DNER: variants seen among roughly 807,000 people sequenced by gnomAD.
DNER encodes the protein delta and Notch-like epidermal growth factor-related receptor.
Under a neutral mutation model 78.2 loss-of-function variants are expected in DNER, and 33 were observed. That is an observed-to-expected ratio of 0.42 (90% CI 0.32 to 0.56). DNER has a LOEUF of 0.56. Among genes scored for constraint, DNER ranks in the 20% least tolerant of loss-of-function variants. The probability of loss-of-function intolerance (pLI) is 0.11; values close to 1 mark genes in which losing one functional copy is unlikely to be tolerated. For missense variants in DNER, 918 were observed against 975.3 expected (o/e 0.94, Z 0.78); for synonymous variants, 417 against 384.8 (o/e 1.08, Z -0.98).
chr2:229,524,118 T>G (rs760028281), intron 5 of DNER, among the ~76,000 whole-genome samples: 4 of 152,196 alleles, frequency 2.6e-5, no homozygotes, highest in Non-Finnish European at 5.9e-5. Flanking sequence ...GCTCGTAAAT[T>G]GAAAAGCTGA....
At chr2:229,699,657 C>T (rs1172077555) in intron 1 of DNER, among the ~76,000 whole-genome samples, 2 of 152,202 alleles carry the variant, frequency 1.3e-5, no homozygotes, top group African/African-American at 2.4e-5. Context: ...TGAGTCACCA[C>T]GTCCAGCTTT....
rs559812017 is a variant in DNER, at chr2:229,693,122, G to A, written c.276+21026C>T. ...CAGTGGGAGGTAACTGAATCATGGG[G>A]GCAGTTATCCCCATGCTGCTGTTCT... is the stretch of plus-strand genomic sequence containing the variant. On this transcript the variant is annotated intron_variant, in intron 1 of 12. Transcript: ENST00000341772. Among the ~76,000 whole-genome samples the A allele has an allele frequency of 7.9e-5, 12 of 151,906 alleles. No homozygotes were observed. In the East Asian group the frequency reaches 2.0e-3, roughly 25 times the overall value.
chr2:229,640,785 T>C (rs1559192189), intron 1 of DNER, among the ~76,000 whole-genome samples: 1 of 152,174 alleles, frequency 6.6e-6, no homozygotes, highest in Non-Finnish European at 1.5e-5. Flanking sequence ...ACCATGAATA[T>C]ACAGCAGCAT....
At chr2:229,580,663 A>T (rs111482341) in intron 4 of DNER, among the ~76,000 whole-genome samples, 77 of 152,332 alleles carry the variant, frequency 5.1e-4, no homozygotes, top group African/African-American at 1.8e-3. Flanking sequence ...AAAATTTCAG[A>T]TGGAGGTAAC....
intron 7 of DNER, among the ~76,000 whole-genome samples, chr2:229,476,534 T>A (rs1695040894): frequency 6.6e-6 from 1 of 152,156 alleles, no homozygotes; most frequent in African/African-American, 2.4e-5. Flanking sequence ...GTCATGTTAT[T>A]CTTACAAAAT....
At chr2:229,600,191 T>A (rs1697801370) in intron 1 of DNER, among the ~76,000 whole-genome samples, 1 of 151,700 alleles carries the variant, frequency 6.6e-6, no homozygotes, top group Non-Finnish European at 1.5e-5. Context: ...ACAGGCCAAA[T>A]CTGGTTTGTT....
intron 1 of DNER, among the ~76,000 whole-genome samples, chr2:229,684,386 C>A (rs1247413833): frequency 2.0e-5 from 3 of 151,786 alleles, no homozygotes; most frequent in African/African-American, 7.3e-5. Flanking sequence ...TCTTCATCGG[C>A]TCTTCCTCCT....
intron 5 of DNER, among the ~76,000 whole-genome samples, chr2:229,521,152 T>G (rs1696088554): frequency 2.6e-5 from 4 of 152,160 alleles, no homozygotes; most frequent in African/African-American, 9.7e-5. Context: ...TTTCCTAACA[T>G]CGGAAAGCTC....
chr2:229,565,464 A>C (rs2154213877), intron 4 of DNER, among the ~76,000 whole-genome samples: 1 of 152,334 alleles, frequency 6.6e-6, no homozygotes, highest in Non-Finnish European at 1.5e-5. Context: ...CATTACTTAA[A>C]GTTGTAAAAA....
intron 1 of DNER, among the ~76,000 whole-genome samples, chr2:229,616,706 T>C (rs373172247): frequency 6.6e-6 from 1 of 152,336 alleles, no homozygotes; most frequent in East Asian, 1.9e-4. Flanking sequence ...ATCTAGATCA[T>C]GTCTAGGGCC....
At chr2:229,442,265 C>T (rs1182480935) in intron 8 of DNER, among the ~76,000 whole-genome samples, 1 of 152,178 alleles carries the variant, frequency 6.6e-6, no homozygotes, top group Non-Finnish European at 1.5e-5. Context: ...CCTGTAATCC[C>T]AGCACTTTGG....
chr2:229,546,887 T>G (rs373523745), intron 5 of DNER, 60 bp downstream of exon 5: 1 of 1,604,484 alleles, frequency 6.2e-7, no homozygotes, highest in East Asian at 2.2e-5. Flanking sequence ...ACTTATGTAT[T>G]TATTCAGGTA....
chr2:229,557,923 C>CA (rs1363442656), intron 4 of DNER, among the ~76,000 whole-genome samples: 9 of 152,150 alleles, frequency 5.9e-5, no homozygotes, highest in Non-Finnish European at 1.3e-4. Context: ...AAGACACCTA[C>CA]ATGTGTACAT....
At chr2:229,370,437 G>A (rs1239495899) in intron 11 of DNER, among the ~76,000 whole-genome samples, 1 of 152,146 alleles carries the variant, frequency 6.6e-6, no homozygotes, top group Non-Finnish European at 1.5e-5. Flanking sequence ...GACCATTACT[G>A]CATTGACTGC....
At chr2:229,607,032 G>A (rs1697954183) in intron 1 of DNER, among the ~76,000 whole-genome samples, 1 of 151,996 alleles carries the variant, frequency 6.6e-6, no homozygotes, top group African/African-American at 2.4e-5. Flanking sequence ...TATCAAATCA[G>A]CACACAGCAA....
At chr2:229,621,560 G>C (rs1466830181) in intron 1 of DNER, among the ~76,000 whole-genome samples, 2 of 151,248 alleles carry the variant, frequency 1.3e-5, no homozygotes, top group Non-Finnish European at 2.9e-5. Flanking sequence ...CTCACTCCTT[G>C]CCCTTTGGTT....
At chr2:229,360,625 G>A (rs1399827965) in intron 12 of DNER, among the ~76,000 whole-genome samples, 1 of 152,102 alleles carries the variant, frequency 6.6e-6, no homozygotes, top group Non-Finnish European at 1.5e-5. Flanking sequence ...TGTTAGCCAG[G>A]ATGGTCTCAA....
At chr2:229,482,092 C>T (rs1386594710) in intron 6 of DNER, among the ~76,000 whole-genome samples, 1 of 152,218 alleles carries the variant, frequency 6.6e-6, no homozygotes, top group Non-Finnish European at 1.5e-5. Flanking sequence ...AAGTCTATAC[C>T]TAACCATGGA....
chr2:229,684,116 GTGTGTGTTTGTGTGTGTGTC>G (rs1429936478), intron 1 of DNER, among the ~76,000 whole-genome samples: 1 of 133,962 alleles, frequency 7.5e-6, no homozygotes, highest in Admixed American at 7.5e-5. Context: ...GTGTGTGTGT[GTGTGTGTTTGTGTGTGTGTC>G]TGTGTATGTG....
Sources: allele counts gnomAD v4.1 joint callset (sites outside exome capture counted in the v4.1 genomes callset), GRCh38; gene constraint gnomAD v4.1.1; transcripts MANE v1.5; gene names NCBI Gene and HGNC (gene_info 2026-07-23, HGNC 2026-07-21).